TPRX1: variants seen among roughly 807,000 people sequenced by gnomAD.
TPRX1 encodes the protein tetrapeptide repeat homeobox 1, also known as tetra-peptide repeat homeobox protein 1.
In TPRX1, 2 loss-of-function variants were observed where a neutral mutation model predicts 8.1. The observed-to-expected ratio is 0.25, with a 90% CI of 0.10 to 0.78. TPRX1 has a LOEUF of 0.78. Among genes scored for constraint, TPRX1 ranks in the 30% least tolerant of loss-of-function variants. The pLI is 0.70. For missense variants in TPRX1, 517 were observed against 586.9 expected (o/e 0.88, Z 1.23); for synonymous variants, 257 against 254.1 (o/e 1.01, Z -0.11).
At chr19:47,809,898 C>G (rs34492895) in intron 2 of TPRX1, among the ~76,000 whole-genome samples, 35,840 of 151,788 alleles carry the variant, frequency 0.24, 4,570 homozygotes, top group Middle Eastern at 0.31. Flanking sequence ...TCTTCTGAAG[C>G]CTGGGGCAAG....
intron 2 of TPRX1, among the ~76,000 whole-genome samples, chr19:47,818,185 C>G (rs946268313): frequency 1.3e-5 from 2 of 151,688 alleles, no homozygotes; most frequent in Non-Finnish European, 2.9e-5. Flanking sequence ...TTCTGCCCCA[C>G]CATCCATCCA....
At chr19:47,802,564 G>C (rs1182649904) in exon 4 of TPRX1, 1 of 1,550,718 alleles carries the variant, frequency 6.4e-7, no homozygotes, top group Non-Finnish European at 8.7e-7. Flanking sequence ...TTGGGCCACG[G>C]AATGGGCCTG....
chr19:47,816,825 C>T (rs1464659897), intron 2 of TPRX1, among the ~76,000 whole-genome samples: 1 of 152,330 alleles, frequency 6.6e-6, no homozygotes, highest in Middle Eastern at 3.4e-3. Flanking sequence ...AGCCACCACG[C>T]CCAGCCCACT....
intron 2 of TPRX1, among the ~76,000 whole-genome samples, chr19:47,815,128 A>G (rs377679134): frequency 3.0e-5 from 3 of 98,636 alleles, no homozygotes; most frequent in Non-Finnish European, 6.4e-5. Flanking sequence ...ATATATATAT[A>G]TATATATATA....
chr19:47,815,162 ATT>A (rs1326536685), intron 2 of TPRX1, among the ~76,000 whole-genome samples: 1 of 74,712 alleles, frequency 1.3e-5, no homozygotes, highest in East Asian at 2.7e-4. Context: ...ATATATATAT[ATT>A]TTTTTTTTTT....
chr19:47,805,845 T>C (rs578209939), intron 2 of TPRX1, among the ~76,000 whole-genome samples: 9 of 152,304 alleles, frequency 5.9e-5, no homozygotes, highest in Non-Finnish European at 1.0e-4. Context: ...GACATTTAAA[T>C]ATAAGCAAGT....
chr19:47,804,275 A>G (rs1439895027), intron 2 of TPRX1, among the ~76,000 whole-genome samples: 5 of 151,774 alleles, frequency 3.3e-5, no homozygotes, highest in African/African-American at 1.2e-4. Context: ...GGCTGGTTTC[A>G]GAGTCCCGGG....
chr19:47,814,836 G>A (rs989796294), intron 2 of TPRX1, among the ~76,000 whole-genome samples: 2 of 152,034 alleles, frequency 1.3e-5, no homozygotes, highest in African/African-American at 4.8e-5. Context: ...TTTCGCTCTT[G>A]TCGCCCAGGC....
chr19:47,803,051 C>T (rs900725583), intron 3 of TPRX1, 71 bp from the exon 3 acceptor site: 3 of 1,460,064 alleles, frequency 2.1e-6, no homozygotes, highest in Non-Finnish European at 1.8e-6. Flanking sequence ...CTTTTGGGGT[C>T]GGGGCCAGCC....
Position 47,810,786 on chromosome 19 carries a change from TG to T in TPRX1, c.152-7114del, listed in dbSNP as rs543742230. On this transcript the variant is annotated intron_variant, in intron 2 of 3. Coordinates refer to ENST00000535759, the Ensembl canonical transcript of TPRX1. ...TCTGCATTGTGAGGGTATCTCTTGG[TG>T]CAGGGGGAGGGGGTTCAGGAGGGGC... 3.3e-5 allele frequency among the ~76,000 whole-genome samples: 5 copies of T among 152,076 alleles called. No individual in the cohort carries two copies. In the East Asian group the frequency reaches 9.7e-4, roughly 29 times the overall value.
intron 2 of TPRX1, among the ~76,000 whole-genome samples, chr19:47,815,646 C>CAAAAA (rs34265596): frequency 0.011 from 656 of 60,208 alleles, 38 homozygotes; most frequent in Admixed American, 0.055. Context: ...CCCGTCTCTA[C>CAAAAA]AAAAAAAAAA....
chr19:47,815,151 TATA>T (rs1967826198), intron 2 of TPRX1, among the ~76,000 whole-genome samples: 5 of 81,892 alleles, frequency 6.1e-5, no homozygotes, highest in African/African-American at 2.5e-4. Flanking sequence ...TATGCAAATA[TATA>T]TATATATATT....
chr19:47,803,707 C>T, intron 2 of TPRX1, 34 bp from the exon 2 acceptor site: 1 of 792,308 alleles, frequency 1.3e-6, no homozygotes. Flanking sequence ...CACAGAAACC[C>T]CCAGGCAGCC....
At chr19:47,803,341 TAG>T (rs1044231600) in intron 3 of TPRX1, among the ~76,000 whole-genome samples, 161 bp downstream of exon 2, 1 of 151,110 alleles carries the variant, frequency 6.6e-6, no homozygotes, top group African/African-American at 2.4e-5. Context: ...TGGGCTAGCA[TAG>T]AGTTGGAACA....
chr19:47,809,736 C>T (rs955523400), intron 2 of TPRX1, among the ~76,000 whole-genome samples: 1 of 151,966 alleles, frequency 6.6e-6, no homozygotes, highest in Non-Finnish European at 1.5e-5. Flanking sequence ...CCTTGAATGC[C>T]ACCCTAGGAC....
At chr19:47,802,677 G>A (rs901604350) in exon 4 of TPRX1, 10 of 1,567,714 alleles carry the variant, frequency 6.4e-6, no homozygotes, top group Non-Finnish European at 8.7e-6. Context: ...CCAGGGAGTG[G>A]GCCTGGGATC....
chr19:47,812,208 G>A (rs1967790226), intron 2 of TPRX1, among the ~76,000 whole-genome samples: 1 of 152,046 alleles, frequency 6.6e-6, no homozygotes, highest in Non-Finnish European at 1.5e-5. Flanking sequence ...TACATTCAAG[G>A]GACTGATCTA....
intron 2 of TPRX1, among the ~76,000 whole-genome samples, chr19:47,816,096 G>T (rs908390446): frequency 6.6e-6 from 1 of 151,818 alleles, no homozygotes; most frequent in Non-Finnish European, 1.5e-5. Flanking sequence ...ACAGGATCTT[G>T]CTCTGTTGCC....
intron 2 of TPRX1, among the ~76,000 whole-genome samples, chr19:47,809,898 C>T (rs34492895): frequency 1.3e-5 from 2 of 151,726 alleles, no homozygotes; most frequent in African/African-American, 4.8e-5. Flanking sequence ...TCTTCTGAAG[C>T]CTGGGGCAAG....
Sources: gnomAD v4.1 joint callset for allele counts (sites outside exome capture counted in the v4.1 genomes callset) on GRCh38, gnomAD v4.1.1 for gene constraint, MANE v1.5 for transcripts, NCBI Gene and HGNC (gene_info 2026-07-23, HGNC 2026-07-21) for gene names.